Variants in ADAMTS18 observed in about 807,000 individuals in gnomAD.
The protein encoded by ADAMTS18 is ADAM metallopeptidase with thrombospondin type 1 motif 18.
ADAMTS18 carries 157 observed loss-of-function variants against 165.9 expected under a neutral mutation model. The ratio of observed to expected loss-of-function variants is 0.95; its 90% CI spans 0.83 to 1.08. ADAMTS18 has a LOEUF of 1.08. ADAMTS18 is among the 50% of genes least tolerant of loss of function. ADAMTS18 has a pLI of 0.00. For missense variants in ADAMTS18, 2,040 were observed against 1,534.0 expected (o/e 1.33, Z -5.51); for synonymous variants, 782 against 578.2 (o/e 1.35, Z -5.06).
At chr16:77,327,308 GTGT>G (rs1423230128) in intron 12 of ADAMTS18, among the ~76,000 whole-genome samples, 7 of 152,088 alleles carry the variant, frequency 4.6e-5, no homozygotes, top group African/African-American at 1.2e-4. Flanking sequence ...TGGACCCATT[GTGT>G]AGTCTTTTAT....
At chr16:77,300,160 C>A in intron 17 of ADAMTS18, 103 bp downstream of exon 17, 1 of 1,379,576 alleles carries the variant, frequency 7.2e-7, no homozygotes, top group Non-Finnish European at 1.0e-6. Context: ...AAAGACAGTT[C>A]TTGGGTGGCT....
chr16:77,298,668 T>C (rs556312530), intron 17 of ADAMTS18, among the ~76,000 whole-genome samples: 47 of 152,260 alleles, frequency 3.1e-4, no homozygotes, highest in Non-Finnish European at 4.9e-4. Flanking sequence ...GGCAGGCACC[T>C]GCAGTCCAAG....
At chr16:77,355,259 A>G (rs1204786128) in intron 9 of ADAMTS18, among the ~76,000 whole-genome samples, 1 of 148,320 alleles carries the variant, frequency 6.7e-6, no homozygotes, top group African/African-American at 2.5e-5. Context: ...TAATTGTTTA[A>G]TATGAATTAA....
chr16:77,369,935 T>G, intron 3 of ADAMTS18, among the ~76,000 whole-genome samples: 1 of 152,130 alleles, frequency 6.6e-6, no homozygotes, highest in Non-Finnish European at 1.5e-5. Flanking sequence ...TTAACATACA[T>G]TAATCAACAA....
chr16:77,422,126 G>A (rs140008268), intron 3 of ADAMTS18, among the ~76,000 whole-genome samples: 90 of 152,146 alleles, frequency 5.9e-4, no homozygotes, highest in African/African-American at 2.1e-3. Context: ...TTCCAGACCT[G>A]CTTCTGTGCA....
intron 22 of ADAMTS18, among the ~76,000 whole-genome samples, chr16:77,288,276 T>C (rs1323946866): frequency 6.6e-6 from 1 of 152,110 alleles, no homozygotes; most frequent in Non-Finnish European, 1.5e-5. Context: ...TCTTTGGTAA[T>C]TAAGGGTGGA....
chr16:77,387,576 G>A (rs148564551), intron 3 of ADAMTS18, among the ~76,000 whole-genome samples: 10 of 152,234 alleles, frequency 6.6e-5, no homozygotes, highest in African/African-American at 2.2e-4. Context: ...TTAATGTAAA[G>A]CATTTGAATG....
At chr16:77,378,433 G>C (rs565962542) in intron 3 of ADAMTS18, among the ~76,000 whole-genome samples, 12 of 152,110 alleles carry the variant, frequency 7.9e-5, no homozygotes, top group Non-Finnish European at 1.2e-4. Context: ...GCTAAAAACA[G>C]GCTGGGCACG....
chr16:77,314,320 A>T (rs1015661684), intron 16 of ADAMTS18, among the ~76,000 whole-genome samples: 1 of 152,090 alleles, frequency 6.6e-6, no homozygotes, highest in Non-Finnish European at 1.5e-5. Context: ...CCATTTTAAT[A>T]TTATACATGG....
intron 3 of ADAMTS18, among the ~76,000 whole-genome samples, chr16:77,412,379 A>G (rs1333410904): frequency 1.3e-5 from 2 of 152,090 alleles, no homozygotes; most frequent in Non-Finnish European, 2.9e-5. Context: ...AGGCTAGAGT[A>G]CAGTGGCACT....
chr16:77,323,712 T>A (rs2056044931), intron 13 of ADAMTS18, among the ~76,000 whole-genome samples: 2 of 152,310 alleles, frequency 1.3e-5, no homozygotes, highest in Non-Finnish European at 2.9e-5. Context: ...TGCAGGAATG[T>A]CACAAGACAT....
chr16:77,312,803 G>A (rs936803979), intron 16 of ADAMTS18, among the ~76,000 whole-genome samples: 1 of 152,168 alleles, frequency 6.6e-6, no homozygotes, highest in African/African-American at 2.4e-5. Flanking sequence ...AACAGGTGCT[G>A]GAGAGGATGT....
intron 12 of ADAMTS18, among the ~76,000 whole-genome samples, chr16:77,330,913 C>T (rs1039703965): frequency 6.6e-6 from 1 of 152,050 alleles, no homozygotes; most frequent in Non-Finnish European, 1.5e-5. Flanking sequence ...AGAAAGAAAT[C>T]CATAACTTGA....
intron 16 of ADAMTS18, among the ~76,000 whole-genome samples, chr16:77,311,046 GA>G (rs776237893): frequency 8.5e-5 from 13 of 152,198 alleles, no homozygotes; most frequent in Non-Finnish European, 1.6e-4. Flanking sequence ...GAAGGCAGAT[GA>G]AAATGAAATT....
In ADAMTS18 at chr16:77,434,795, G is replaced by C. The variant is rs957604840; in HGVS notation, c.-100C>G. The C allele has an allele frequency of 1.1e-4, 118 of 1,064,724 alleles. No homozygotes were observed. Among genetic ancestry groups the C allele is most frequent in the Non-Finnish European group, 1.4e-4 (114 of 817,444 alleles). The allele number at this position is 1,064,724 out of a possible 1,614,324, so 66.0% of individuals were successfully genotyped here. A position where few individuals can be genotyped will look rare whatever the true frequency, so the allele number is the denominator to read the frequency against. On this transcript the variant is annotated 5_prime_UTR_variant, in exon 1 of 23. Transcript: ENST00000282849. ...CGCGGCCCCGGAGCTCGGCGCCCCA[G>C]GTGCGGCTCCAGGTGAGAGCCGCCG... is the stretch of plus-strand genomic sequence containing the variant.
intron 11 of ADAMTS18, among the ~76,000 whole-genome samples, chr16:77,338,549 T>C (rs1333088039): frequency 6.6e-6 from 1 of 151,892 alleles, no homozygotes; most frequent in Admixed American, 6.6e-5. Context: ...AGCATACATA[T>C]TTCTGGCACT....
chr16:77,403,683 G>T (rs986021628), intron 3 of ADAMTS18, among the ~76,000 whole-genome samples: 24 of 152,264 alleles, frequency 1.6e-4, no homozygotes, highest in Middle Eastern at 3.4e-3. Context: ...TCTGTTAGGG[G>T]AGACTGAGTC....
chr16:77,318,910 G>T (rs538985151), intron 16 of ADAMTS18, among the ~76,000 whole-genome samples: 2 of 152,042 alleles, frequency 1.3e-5, no homozygotes, highest in Admixed American at 1.3e-4. Context: ...GAAGCAAATC[G>T]CTTGCTTGTA....
At chr16:77,327,093 G>A (rs7192131) in intron 12 of ADAMTS18, among the ~76,000 whole-genome samples, 63,668 of 152,084 alleles carry the variant, frequency 0.42, 13,604 homozygotes, top group East Asian at 0.64. Flanking sequence ...TATCCAGTCT[G>A]CTGTTGATGG....
Sources: allele counts gnomAD v4.1 joint callset (sites outside exome capture counted in the v4.1 genomes callset), GRCh38; gene constraint gnomAD v4.1.1; transcripts MANE v1.5; gene names NCBI Gene and HGNC (gene_info 2026-07-23, HGNC 2026-07-21).